The following GXYLT1 variants were observed in gnomAD, a reference collection of about 807,000 sequenced individuals.
The protein encoded by GXYLT1 is glycosyltransferase 8 domain containing 3.
Under a neutral mutation model 54.0 loss-of-function variants are expected in GXYLT1, and 29 were observed. That is an observed-to-expected ratio of 0.54 (90% CI 0.40 to 0.73). The LOEUF (loss-of-function observed/expected upper bound fraction) is 0.73. GXYLT1 is among the 30% of genes least tolerant of loss of function. GXYLT1 has a pLI of 0.00. For synonymous variants in GXYLT1, 176 were observed against 204.1 expected, an observed-to-expected ratio of 0.86 and a Z score of 1.17; for missense variants, 490 against 553.4, an observed-to-expected ratio of 0.89 and a Z score of 1.15.
At chr12:42,098,621 G>A (rs989154815) in intron 5 of GXYLT1, among the ~76,000 whole-genome samples, 1 of 151,500 alleles carries the variant, frequency 6.6e-6, no homozygotes, top group African/African-American at 2.4e-5. Flanking sequence ...CAAAGAAGGA[G>A]AAATGTATGA....
chr12:42,101,575 CTTT>C (rs34135942), intron 5 of GXYLT1, among the ~76,000 whole-genome samples: 2 of 145,550 alleles, frequency 1.4e-5, no homozygotes, highest in African/African-American at 2.5e-5. Flanking sequence ...TTTCAAAATA[CTTT>C]TTTTTTTTTT....
chr12:42,113,001 T>G (rs1260304022), intron 3 of GXYLT1, among the ~76,000 whole-genome samples: 1 of 151,198 alleles, frequency 6.6e-6, no homozygotes, highest in African/African-American at 2.5e-5. Context: ...AAAAGTATTT[T>G]CAACCCGGAA....
At chr12:42,110,449 T>C (rs370619942) in intron 3 of GXYLT1, among the ~76,000 whole-genome samples, 1 of 152,244 alleles carries the variant, frequency 6.6e-6, no homozygotes, top group Non-Finnish European at 1.5e-5. Context: ...TGAATTATGA[T>C]AGTGTTTAAG....
At chr12:42,138,718 G>C (rs1257119707) in intron 1 of GXYLT1, among the ~76,000 whole-genome samples, 1 of 152,098 alleles carries the variant, frequency 6.6e-6, no homozygotes, top group Non-Finnish European at 1.5e-5. Context: ...TATAGATAAT[G>C]ATCTTACTGC....
chr12:42,101,046 GA>G (rs894756327), intron 5 of GXYLT1, among the ~76,000 whole-genome samples: 2 of 151,380 alleles, frequency 1.3e-5, no homozygotes, highest in Admixed American at 1.3e-4. Flanking sequence ...AATAAAAAGG[GA>G]AAAAAACCTT....
intron 2 of GXYLT1, among the ~76,000 whole-genome samples, chr12:42,125,973 G>C (rs916616549): frequency 8.5e-5 from 13 of 152,154 alleles, no homozygotes; most frequent in Admixed American, 6.5e-4. Flanking sequence ...GCAGCAGTGA[G>C]CCCTGGTGGT....
At chr12:42,143,703 T>A (rs550171770) in intron 1 of GXYLT1, among the ~76,000 whole-genome samples, 2 of 152,200 alleles carry the variant, frequency 1.3e-5, no homozygotes, top group African/African-American at 4.8e-5. Context: ...TATTTAAATC[T>A]CATGTTGATT....
rs1278429012 is a variant in GXYLT1 at position 42,111,762 on chromosome 12, C to T, written c.487-2071G>A. Among the ~76,000 whole-genome samples, 4 of 152,198 alleles carry T rather than the reference C, an allele frequency of 2.6e-5. No individual in the cohort carries two copies. In the East Asian group the frequency reaches 7.7e-4, roughly 29 times the overall value. On this transcript the variant is annotated intron_variant, in intron 3 of 7. Transcript: ENST00000398675. Reference sequence around the variant, plus strand: ...AGTAACCTCTGCAGACTTAAATGTCCCTCTCTGACCGCTTTGAAGAGAGTA... The same window carrying T: ...AGTAACCTCTGCAGACTTAAATGTCTCTCTCTGACCGCTTTGAAGAGAGTA...
At chr12:42,103,020 G>A (rs2065399036) in intron 5 of GXYLT1, among the ~76,000 whole-genome samples, 1 of 151,806 alleles carries the variant, frequency 6.6e-6, no homozygotes, top group Non-Finnish European at 1.5e-5. Flanking sequence ...GAGTGCAGTG[G>A]CCCAATATCA....
At chr12:42,117,767 T>A (rs1443822358) in intron 3 of GXYLT1, among the ~76,000 whole-genome samples, 1 of 152,198 alleles carries the variant, frequency 6.6e-6, no homozygotes, top group Non-Finnish European at 1.5e-5. Flanking sequence ...TATTGTACAA[T>A]AATATTTTGT....
intron 7 of GXYLT1, among the ~76,000 whole-genome samples, chr12:42,090,238 A>C (rs922549664): frequency 6.6e-6 from 1 of 152,222 alleles, no homozygotes; most frequent in African/African-American, 2.4e-5. Flanking sequence ...AATTTCCAAA[A>C]TTTCCACCTA....
At chr12:42,088,373 T>C (rs1200988887) in intron 7 of GXYLT1, among the ~76,000 whole-genome samples, 3 of 152,114 alleles carry the variant, frequency 2.0e-5, no homozygotes, top group Non-Finnish European at 2.9e-5. Flanking sequence ...TAAAGGCATA[T>C]GGTGGGAGGA....
At position 42,098,052 on chromosome 12, in the gene GXYLT1, A is replaced by T; in HGVS notation, c.865-19T>A. 1 of 1,605,616 alleles carries T rather than the reference A, an allele frequency of 6.2e-7. No homozygotes were observed. The highest frequency in any genetic ancestry group is 8.5e-7 in the Non-Finnish European group (1 of 1,176,626). ...TATCATTCTGTTGATAAAAACATTC[A>T]AAAGAGCTTCAGACTTTCAGGCTTA... is the stretch of plus-strand genomic sequence containing the variant. On this transcript the variant is annotated intron_variant, in intron 5 of 7. Coordinates refer to ENST00000398675, the MANE Select transcript of GXYLT1 (RefSeq NM_173601.2).
At chr12:42,119,203 GT>G in intron 2 of GXYLT1, 32 bp from the exon 3 acceptor site, 2 of 1,481,084 alleles carry the variant, frequency 1.4e-6, no homozygotes, top group Non-Finnish European at 1.8e-6. Flanking sequence ...TTTTTCAACA[GT>G]TTTAGTATAT....
At chr12:42,108,052 C>T (rs1208699655) in intron 4 of GXYLT1, among the ~76,000 whole-genome samples, 3 of 152,038 alleles carry the variant, frequency 2.0e-5, no homozygotes, top group Non-Finnish European at 4.4e-5. Context: ...AATAAAGCAC[C>T]AATTTACTTA....
At chr12:42,089,835 G>A (rs2065319280) in intron 7 of GXYLT1, among the ~76,000 whole-genome samples, 1 of 152,176 alleles carries the variant, frequency 6.6e-6, no homozygotes, top group South Asian at 2.1e-4. Flanking sequence ...TAAAAGTGTA[G>A]CCAGGTTGAA....
chr12:42,101,634 C>T (rs1592105809), intron 5 of GXYLT1, among the ~76,000 whole-genome samples: 2 of 151,692 alleles, frequency 1.3e-5, no homozygotes, highest in African/African-American at 4.8e-5. Flanking sequence ...TGCAGTGGCG[C>T]AATCTTGGCT....
intron 2 of GXYLT1, 25 bp from the exon 3 acceptor site, chr12:42,119,196 T>A: frequency 6.7e-7 from 1 of 1,493,350 alleles, no homozygotes; most frequent in Non-Finnish European, 9.0e-7. Context: ...AACCACATTT[T>A]TCAACAGTTT....
intron 2 of GXYLT1, among the ~76,000 whole-genome samples, chr12:42,126,654 A>G (rs911758945): frequency 3.9e-5 from 6 of 152,100 alleles, no homozygotes; most frequent in Non-Finnish European, 8.8e-5. Flanking sequence ...GTATTTTGGG[A>G]GGCCGAGGCG....
Sources: allele counts gnomAD v4.1 joint callset (sites outside exome capture counted in the v4.1 genomes callset), GRCh38; gene constraint gnomAD v4.1.1; transcripts MANE v1.5; gene names NCBI Gene and HGNC (gene_info 2026-07-23, HGNC 2026-07-21).